The following ANKRD44 variants were observed in gnomAD, a reference collection of about 807,000 sequenced individuals.
ANKRD44 encodes ankyrin repeat domain 44.
In ANKRD44, 35 loss-of-function variants were observed where a neutral mutation model predicts 116.0. The ratio of observed to expected loss-of-function variants is 0.30; its 90% CI spans 0.23 to 0.40. The LOEUF is 0.40. ANKRD44 is among the 10% of genes least tolerant of loss of function. The pLI is 1.00. For synonymous variants in ANKRD44, 435 were observed against 461.8 expected, an observed-to-expected ratio of 0.94 and a Z score of 0.74; for missense variants, 1,014 against 1,242.6, an observed-to-expected ratio of 0.82 and a Z score of 2.77.
intron 2 of ANKRD44, among the ~76,000 whole-genome samples, chr2:197,155,185 A>G (rs1000750473): frequency 2.0e-5 from 3 of 152,180 alleles, no homozygotes; most frequent in Admixed American, 1.3e-4. Context: ...TATATTTTCA[A>G]ATTTGATCCT....
intron 1 of ANKRD44, among the ~76,000 whole-genome samples, chr2:197,288,013 C>G (rs1574450819): frequency 1.1e-5 from 1 of 89,506 alleles, no homozygotes; most frequent in African/African-American, 4.0e-5. Flanking sequence ...GAGTGAGACT[C>G]AGTCTCAAAA....
chr2:197,188,018 C>T (rs1172444953), intron 1 of ANKRD44, among the ~76,000 whole-genome samples: 3 of 151,362 alleles, frequency 2.0e-5, no homozygotes, highest in African/African-American at 4.8e-5. Flanking sequence ...ACTTTTGTGT[C>T]GGTATTTGGA....
At chr2:197,309,447 G>GAAC (rs2084172672) in intron 1 of ANKRD44, among the ~76,000 whole-genome samples, 1 of 152,206 alleles carries the variant, frequency 6.6e-6, no homozygotes, top group Admixed American at 6.5e-5. Context: ...AAAGGCAGGA[G>GAAC]AACAAATCAT....
intron 16 of ANKRD44, among the ~76,000 whole-genome samples, chr2:197,041,510 T>G (rs985192726): frequency 2.6e-5 from 4 of 152,230 alleles, no homozygotes; most frequent in African/African-American, 9.6e-5. Context: ...CTTGCTCATT[T>G]TTCTCACTGG....
intron 10 of ANKRD44, among the ~76,000 whole-genome samples, chr2:197,095,833 A>G (rs1423898719): frequency 2.0e-5 from 3 of 152,212 alleles, no homozygotes; most frequent in Non-Finnish European, 4.4e-5. Flanking sequence ...GGAAGCACTC[A>G]TAATGTTTGC....
At chr2:197,084,565 T>C (rs1161600617) in intron 13 of ANKRD44, among the ~76,000 whole-genome samples, 1 of 152,184 alleles carries the variant, frequency 6.6e-6, no homozygotes, top group Non-Finnish European at 1.5e-5. Flanking sequence ...CCCTGGGTTC[T>C]GGCATTGGCA....
Position 196,988,680 on chromosome 2 carries a change from G to A in ANKRD44, c.*911C>T, listed in dbSNP as rs1344885293. 6 of 985,150 alleles carry A rather than the reference G, an allele frequency of 6.1e-6. No individual in the cohort carries two copies. The highest frequency in any genetic ancestry group is 7.2e-6 in the Non-Finnish European group (6 of 829,838). 61.0% of individuals were successfully genotyped at this position (985,150 alleles called of 1,614,324 possible). A position where few individuals can be genotyped will look rare whatever the true frequency, so the allele number is the denominator to read the frequency against. On this transcript the variant is annotated 3_prime_UTR_variant, in exon 28 of 28. Coordinates refer to ENST00000282272, the MANE Select transcript of ANKRD44 (RefSeq NM_001195144.2). ...ACTATAAAATAGCAATTTCCAGGGT[G>A]GAAATGGAACTCATTATAAAACGTC...
At chr2:197,024,756 T>G (rs2076559493) in intron 17 of ANKRD44, among the ~76,000 whole-genome samples, 1 of 152,212 alleles carries the variant, frequency 6.6e-6, no homozygotes, top group South Asian at 2.1e-4. Context: ...CTCATCTTGC[T>G]CTCATCAGTT....
At chr2:197,157,746 T>C (rs1328281193) in intron 2 of ANKRD44, among the ~76,000 whole-genome samples, 1 of 150,336 alleles carries the variant, frequency 6.7e-6, no homozygotes, top group Non-Finnish European at 1.5e-5. Context: ...TTTTGTTTCC[T>C]AAATGAAACC....
At chr2:196,999,231 A>G (rs2076069840) in intron 23 of ANKRD44, among the ~76,000 whole-genome samples, 179 bp from the exon 24 acceptor site, 1 of 152,174 alleles carries the variant, frequency 6.6e-6, no homozygotes, top group South Asian at 2.1e-4. Context: ...AATATCACCT[A>G]TGGGACTGGA....
chr2:197,076,405 A>C (rs2077666747), intron 16 of ANKRD44, among the ~76,000 whole-genome samples: 1 of 152,178 alleles, frequency 6.6e-6, no homozygotes. Context: ...AGTTTTAAAG[A>C]CTGTTAAGAT....
chr2:197,060,625 T>C (rs567896889), intron 16 of ANKRD44, among the ~76,000 whole-genome samples: 1 of 152,346 alleles, frequency 6.6e-6, no homozygotes, highest in South Asian at 2.1e-4. Context: ...ACGTTAGATC[T>C]TCAGAACTTA....
At chr2:196,982,381 G>A (rs1400229289), downstream of ANKRD44, among the ~76,000 whole-genome samples, 1 of 152,014 alleles carries the variant, frequency 6.6e-6, no homozygotes, top group African/African-American at 2.4e-5. Flanking sequence ...GGTAAAGTTC[G>A]CCTTGAAGTC....
At chr2:196,968,768 C>T (rs1019478597) in intron 21 of ANKRD44, among the ~76,000 whole-genome samples, 2 of 152,216 alleles carry the variant, frequency 1.3e-5, no homozygotes, top group African/African-American at 4.8e-5. Context: ...TTGGCTGTCA[C>T]ATTAATAGCT....
intron 2 of ANKRD44, among the ~76,000 whole-genome samples, chr2:197,150,513 C>A (rs939402016): frequency 6.6e-6 from 1 of 152,010 alleles, no homozygotes; most frequent in African/African-American, 2.4e-5. Context: ...CGCGCCACTG[C>A]ACTCTAGCCT....
chr2:197,287,063 C>G (rs2083427169), intron 1 of ANKRD44, among the ~76,000 whole-genome samples: 1 of 151,992 alleles, frequency 6.6e-6, no homozygotes, highest in Admixed American at 6.6e-5. Context: ...ACGTACAACA[C>G]CAAGAGTGAA....
intron 15 of ANKRD44, among the ~76,000 whole-genome samples, chr2:197,080,678 G>A (rs2077773002): frequency 6.6e-6 from 1 of 152,100 alleles, no homozygotes; most frequent in African/African-American, 2.4e-5. Flanking sequence ...TACCATCGAA[G>A]TTAGGTCCCA....
At chr2:196,980,507 A>C (rs1182964479) in intron 21 of ANKRD44, among the ~76,000 whole-genome samples, 1 of 152,256 alleles carries the variant, frequency 6.6e-6, no homozygotes, top group Non-Finnish European at 1.5e-5. Flanking sequence ...TAATGTTTTA[A>C]AGCAAATTTA....
chr2:197,126,621 G>A (rs910702319), intron 4 of ANKRD44, among the ~76,000 whole-genome samples: 1 of 151,676 alleles, frequency 6.6e-6, no homozygotes, highest in Admixed American at 6.6e-5. Context: ...TCTTCTATTG[G>A]CCCAGTCAGC....
Sources: gnomAD v4.1 joint callset for allele counts (sites outside exome capture counted in the v4.1 genomes callset) on GRCh38, gnomAD v4.1.1 for gene constraint, MANE v1.5 for transcripts, NCBI Gene and HGNC (gene_info 2026-07-23, HGNC 2026-07-21) for gene names.